NLGN1: variants seen among roughly 807,000 people sequenced by gnomAD.
NLGN1 encodes the protein neuroligin-1.
Under a neutral mutation model 65.5 loss-of-function variants are expected in NLGN1, and 12 were observed. The observed-to-expected ratio is 0.18, with a 90% CI of 0.12 to 0.30. NLGN1 has a LOEUF of 0.30. Ranked by LOEUF, NLGN1 falls within the 10% of genes least tolerant of loss-of-function variation. The pLI is 1.00. For synonymous variants in NLGN1, 350 were observed against 359.5 expected, an observed-to-expected ratio of 0.97 and a Z score of 0.30; for missense variants, 750 against 1,007.1, an observed-to-expected ratio of 0.74 and a Z score of 3.46.
chr3:173,880,362 G>A (rs1004623258), intron 4 of NLGN1, among the ~76,000 whole-genome samples: 13 of 151,550 alleles, frequency 8.6e-5, no homozygotes, highest in Non-Finnish European at 1.6e-4. Context: ...TACCATTGCC[G>A]TTTTCTTTTT....
chr3:174,285,623 A>G (rs1424575498), exon 7 of NLGN1: 4 of 151,436 alleles, frequency 2.6e-5, no homozygotes, highest in African/African-American at 4.8e-5. Flanking sequence ...TTGGTGGCCA[A>G]CTTGATTCTT....
intron 2 of NLGN1, among the ~76,000 whole-genome samples, chr3:173,539,679 CATACAT>C (rs1738266049): frequency 1.2e-5 from 1 of 80,036 alleles, no homozygotes; most frequent in African/African-American, 7.9e-5. Flanking sequence ...ACATATATAA[CATACAT>C]ATATGTACAT....
chr3:173,695,528 C>A, intron 3 of NLGN1: 1 of 342,274 alleles, frequency 2.9e-6, no homozygotes. Flanking sequence ...ACCATATATT[C>A]AAATTTTTTA....
At chr3:174,206,838 A>G (rs979555986) in intron 4 of NLGN1, among the ~76,000 whole-genome samples, 2 of 152,150 alleles carry the variant, frequency 1.3e-5, no homozygotes, top group African/African-American at 4.8e-5. Flanking sequence ...TTGTTTACCC[A>G]GCAAAACCCA....
intron 3 of NLGN1, among the ~76,000 whole-genome samples, chr3:173,775,195 A>G (rs927172776): frequency 1.3e-5 from 2 of 152,174 alleles, no homozygotes; most frequent in Admixed American, 6.5e-5. Flanking sequence ...TAAATGTCTA[A>G]TAATTAAAAG....
chr3:173,995,664 TC>T (rs1325357758), intron 4 of NLGN1, among the ~76,000 whole-genome samples: 1 of 150,294 alleles, frequency 6.7e-6, no homozygotes, highest in Non-Finnish European at 1.5e-5. Context: ...TTTCTTTCAT[TC>T]TTTTTTTTTT....
chr3:173,586,621 G>T (rs984019772), intron 2 of NLGN1, among the ~76,000 whole-genome samples: 1 of 152,300 alleles, frequency 6.6e-6, no homozygotes, highest in South Asian at 2.1e-4. Flanking sequence ...TTCAGTAGAC[G>T]TTGTGTAGGC....
At chr3:173,957,827 G>C (rs1232203253) in intron 4 of NLGN1, among the ~76,000 whole-genome samples, 2 of 152,144 alleles carry the variant, frequency 1.3e-5, no homozygotes, top group African/African-American at 2.4e-5. Flanking sequence ...GGGCCTGCTG[G>C]GCTCCTTCTG....
chr3:173,548,455 G>A (rs937126704), intron 2 of NLGN1, among the ~76,000 whole-genome samples: 2 of 150,656 alleles, frequency 1.3e-5, no homozygotes, highest in African/African-American at 4.9e-5. Context: ...AACTGTGCTT[G>A]GAACCCAGAG....
chr3:174,203,244 A>G (rs935171144), intron 4 of NLGN1, among the ~76,000 whole-genome samples: 5 of 152,184 alleles, frequency 3.3e-5, no homozygotes, highest in African/African-American at 1.2e-4. Context: ...GCAGTCTCTC[A>G]AAGGTTAAAA....
chr3:173,983,061 A>T lies in NLGN1; in HGVS notation c.646+175229A>T, dbSNP rs563681418. ...TCTCAAGGAAAAAATACTAATATAG[A>T]ATAATTAAGTTTAAAAATACAAGTT... On this transcript the variant is annotated intron_variant, in intron 4 of 6. Coordinates refer to ENST00000457714, the Ensembl canonical transcript of NLGN1. Among the ~76,000 whole-genome samples, 32 of 152,278 alleles carry T rather than the reference A, an allele frequency of 2.1e-4. No homozygotes were observed. The South Asian group carries it at 6.2e-3, about 30-fold the overall frequency.
chr3:174,181,407 AG>A (rs1730392446), intron 4 of NLGN1, among the ~76,000 whole-genome samples: 1 of 152,126 alleles, frequency 6.6e-6, no homozygotes, highest in South Asian at 2.1e-4. Flanking sequence ...GTTTAAATTA[AG>A]TACCCCTCCT....
chr3:174,239,657 G>A lies in NLGN1; in HGVS notation c.647-35658G>A, dbSNP rs548927485. On this transcript the variant is annotated intron_variant, in intron 4 of 6. Transcript: ENST00000457714. ...AGTTATTATTTCTTCATGTGTTTTAGCATGGCAGAAAGAAGGGTAGTCGAT... is the reference window on the plus strand; with the variant it reads ...AGTTATTATTTCTTCATGTGTTTTAACATGGCAGAAAGAAGGGTAGTCGAT... Among the ~76,000 whole-genome samples the A allele has an allele frequency of 8.6e-5, 13 of 151,900 alleles. No individual in the cohort carries two copies. The East Asian group carries it at 2.5e-3, about 29-fold the overall frequency.
chr3:174,231,124 T>A (rs2152817257), intron 4 of NLGN1, among the ~76,000 whole-genome samples: 1 of 151,902 alleles, frequency 6.6e-6, no homozygotes, highest in South Asian at 2.1e-4. Flanking sequence ...CAAGAGGGAG[T>A]CAGTTAAGTC....
intron 2 of NLGN1, among the ~76,000 whole-genome samples, chr3:173,443,161 C>T (rs1454985920): frequency 2.0e-5 from 3 of 151,772 alleles, no homozygotes; most frequent in African/African-American, 7.3e-5. Context: ...ATCACTTGAT[C>T]GCAGGAATTG....
At position 173,573,973 on chromosome 3, in the gene NLGN1, G is replaced by A. The variant is rs59427622; in HGVS notation, c.-320-30306G>A. ...AGCTACTCAGGAAGCTGAGGCAGGA[G>A]AATGGCGTGAACCCAGGAGGCGGAG... is the stretch of plus-strand genomic sequence containing the variant. On this transcript the variant is annotated intron_variant, in intron 2 of 6. Transcript: ENST00000457714. Among the ~76,000 whole-genome samples the A allele has an allele frequency of 1.6e-3, 226 of 145,414 alleles. No individual in the cohort carries two copies. In the East Asian group the frequency reaches 0.031, roughly 20 times the overall value.
chr3:173,415,919 GGAGAGAGA>G lies in NLGN1; in HGVS notation c.-390+17450_-390+17457del, dbSNP rs1167795390. On this transcript the variant is annotated intron_variant, in intron 1 of 6. Coordinates refer to ENST00000457714, the Ensembl canonical transcript of NLGN1. ...TATATATATATAGAGAGAGAGAGAGGGAGAGAGAGAGAGAGAGAGAGAGAGCTTGGTAT... is the reference window on the plus strand; with the variant it reads ...TATATATATATAGAGAGAGAGAGAGGGAGAGAGAGAGAGAGAGCTTGGTAT... Among the ~76,000 whole-genome samples the G allele has an allele frequency of 7.2e-5, 9 of 125,246 alleles. No individual in the cohort carries two copies. In the East Asian group the frequency reaches 1.3e-3, roughly 18 times the overall value. 82.2% of individuals were successfully genotyped at this position (125,246 alleles called of 152,430 possible). A position where few individuals can be genotyped will look rare whatever the true frequency, so the allele number is the denominator to read the frequency against.
At chr3:174,059,821 G>A (rs959183140) in intron 4 of NLGN1, among the ~76,000 whole-genome samples, 4 of 152,076 alleles carry the variant, frequency 2.6e-5, no homozygotes, top group Admixed American at 6.6e-5. Flanking sequence ...GAATTTATAC[G>A]GCTAGCAAGT....
chr3:174,268,589 C>A (rs569708604), intron 4 of NLGN1, among the ~76,000 whole-genome samples: 1 of 152,000 alleles, frequency 6.6e-6, no homozygotes, highest in East Asian at 1.9e-4. Flanking sequence ...ATAAATACTT[C>A]GGTCTTATTT....
Sources: allele counts gnomAD v4.1 joint callset (sites outside exome capture counted in the v4.1 genomes callset), GRCh38; gene constraint gnomAD v4.1.1; transcripts MANE v1.5; gene names NCBI Gene and HGNC (gene_info 2026-07-23, HGNC 2026-07-21).